The following UGGT1 variants were observed in gnomAD, a reference collection of about 807,000 sequenced individuals.
UGGT1 encodes UDP-glucose:glycoprotein glucosyltransferase 1.
UGGT1 carries 107 observed loss-of-function variants against 203.9 expected under a neutral mutation model. The ratio of observed to expected loss-of-function variants is 0.52; its 90% CI spans 0.45 to 0.62. The LOEUF (loss-of-function observed/expected upper bound fraction) is 0.62. Ranked by LOEUF, UGGT1 falls within the 20% of genes least tolerant of loss-of-function variation. UGGT1 has a pLI of 0.00. For synonymous variants in UGGT1, 628 were observed against 653.5 expected, an observed-to-expected ratio of 0.96 and a Z score of 0.59; for missense variants, 1,673 against 1,867.2, an observed-to-expected ratio of 0.90 and a Z score of 1.92.
At chr2:128,186,948 A>C in intron 39 of UGGT1, 149 bp downstream of exon 39, 1 of 593,312 alleles carries the variant, frequency 1.7e-6, no homozygotes, top group Non-Finnish European at 2.9e-6. Context: ...TGTCGGGGCT[A>C]TTCTTATCTT....
At chr2:128,106,425 C>T (rs894215385) in intron 3 of UGGT1, among the ~76,000 whole-genome samples, 1 of 152,098 alleles carries the variant, frequency 6.6e-6, no homozygotes, top group Non-Finnish European at 1.5e-5. Flanking sequence ...AAGATTGACA[C>T]CATTAACATT....
rs1692027460 is a variant in UGGT1, at chr2:128,187,265, C to T, written c.4477-184C>T. 4 of 533,592 alleles carry T rather than the reference C, an allele frequency of 7.5e-6. No individual in the cohort carries two copies. In the East Asian group the frequency reaches 1.4e-4, roughly 18 times the overall value. The allele number at this position is 533,592 out of a possible 1,614,324, so 33.1% of individuals were successfully genotyped here. A position where few individuals can be genotyped will look rare whatever the true frequency, so the allele number is the denominator to read the frequency against. ...TCCTGCCTTCCATTAGCCACTCACA[C>T]ATTCTTTGTAGATGTAAATACAGCT... On this transcript the variant is annotated intron_variant, in intron 39 of 40. Transcript: ENST00000259253.
At chr2:128,144,394 C>T (rs1689580684) in intron 17 of UGGT1, among the ~76,000 whole-genome samples, 1 of 152,184 alleles carries the variant, frequency 6.6e-6, no homozygotes, top group Non-Finnish European at 1.5e-5. Flanking sequence ...ATAGTCCAAA[C>T]ACCTCCCTGT....
At chr2:128,170,455 ACT>A in intron 27 of UGGT1, 65 bp downstream of exon 27, 1 of 1,428,812 alleles carries the variant, frequency 7.0e-7, no homozygotes, top group Non-Finnish European at 9.9e-7. Context: ...TCTGAAATTC[ACT>A]GAGAGCTTCG....
At position 128,105,050 on chromosome 2, in the gene UGGT1, A is replaced by T. The variant is rs535626801; in HGVS notation, c.277+1036A>T. On this transcript the variant is annotated intron_variant, in intron 3 of 40. Transcript: ENST00000259253. ...CTTCTTTTAAAATTATTTAATTATT[A>T]TTTTTTTAATACAACGGAGATGAGG... 5.2e-3 allele frequency among the ~76,000 whole-genome samples: 784 copies of T among 149,656 alleles called. 12 individuals carry two copies. Among genetic ancestry groups the T allele is most frequent in the African/African-American group, 0.017 (690 of 40,740 alleles).
At chr2:128,095,507 C>A (rs552399396) in intron 1 of UGGT1, among the ~76,000 whole-genome samples, 3 of 150,978 alleles carry the variant, frequency 2.0e-5, no homozygotes, top group African/African-American at 4.9e-5. Flanking sequence ...CCCCACTCTC[C>A]TCCTGTCCTG....
intron 37 of UGGT1, among the ~76,000 whole-genome samples, chr2:128,182,908 G>GC (rs1553447472): frequency 1.3e-4 from 12 of 89,082 alleles, no homozygotes; most frequent in African/African-American, 4.8e-4. Flanking sequence ...TTGTAACTTG[G>GC]CTTTTTTTTT....
At position 128,192,669 on chromosome 2, in the gene UGGT1, G is replaced by A. The variant is rs1290502897; in HGVS notation, c.*2927G>A. The A allele has an allele frequency of 6.6e-6, 1 of 152,186 alleles. No homozygotes were observed. The highest frequency in any genetic ancestry group is 2.4e-5 in the African/African-American group (1 of 41,438). The allele number at this position is 152,186 out of a possible 1,614,324, so 9.4% of individuals were successfully genotyped here. A position where few individuals can be genotyped will look rare whatever the true frequency, so the allele number is the denominator to read the frequency against. On this transcript the variant is annotated 3_prime_UTR_variant, in exon 41 of 41. Transcript: ENST00000259253. Reference sequence around the variant, plus strand: ...AAAGCCTGTCACAGCCTGCTGCTGGGGGTGTGGGGATATGCCAGAGTCCTG... The same window carrying A: ...AAAGCCTGTCACAGCCTGCTGCTGGAGGTGTGGGGATATGCCAGAGTCCTG...
chr2:128,119,490 A>C (rs1378331986), intron 8 of UGGT1, among the ~76,000 whole-genome samples: 5 of 152,158 alleles, frequency 3.3e-5, no homozygotes, highest in Admixed American at 3.3e-4. Context: ...AAAGTAATGT[A>C]CTAGCCGTCT....
chr2:128,183,939 A>T lies in UGGT1; in HGVS notation c.4359+150A>T, dbSNP rs10164864. The T allele has an allele frequency of 0.15, 16,731 of 110,914 alleles. 62 individuals carry two copies. The highest frequency in any genetic ancestry group is 0.35 in the South Asian group (2,327 of 6,688). 6.9% of individuals were successfully genotyped at this position (110,914 alleles called of 1,614,324 possible). A position where few individuals can be genotyped will look rare whatever the true frequency, so the allele number is the denominator to read the frequency against. On this transcript the variant is annotated intron_variant, in intron 38 of 40. Coordinates refer to ENST00000259253, the MANE Select transcript of UGGT1 (RefSeq NM_020120.4). ...GTGTGTGTGTGTGTGTGTGTGTGTG[A>T]GAGAGAGAGAGAGAGAGAGAGATTT...
At chr2:128,117,355 G>A (rs1688155777) in intron 8 of UGGT1, among the ~76,000 whole-genome samples, 1 of 152,200 alleles carries the variant, frequency 6.6e-6, no homozygotes, top group South Asian at 2.1e-4. Context: ...CTCCCAGAGT[G>A]CTGGGAATAC....
rs1213912714 is a variant in UGGT1, at chr2:128,091,268, A to G, written c.-90A>G. ...CGGGAAAGGCGCGTGTCGGCCTCTC[A>G]CTGGCGCAGCCTGCACTGCCGCTGC... On this transcript the variant is annotated 5_prime_UTR_variant, in exon 1 of 41. Transcript: ENST00000259253. 3.0e-6 allele frequency: 4 copies of G among 1,354,662 alleles called. No individual in the cohort carries two copies. Among genetic ancestry groups the G allele is most frequent in the Non-Finnish European group, 3.9e-6 (4 of 1,022,420 alleles). The allele number at this position is 1,354,662 out of a possible 1,614,324, so 83.9% of individuals were successfully genotyped here. A position where few individuals can be genotyped will look rare whatever the true frequency, so the allele number is the denominator to read the frequency against.
rs114406849 is a variant in UGGT1, at chr2:128,137,251, T to C, written c.1584-1466T>C. Among the ~76,000 whole-genome samples the C allele has an allele frequency of 2.2e-3, 333 of 152,256 alleles. 3 individuals are homozygous for C. Among genetic ancestry groups the C allele is most frequent in the African/African-American group, 7.4e-3 (309 of 41,568 alleles). On this transcript the variant is annotated intron_variant, in intron 15 of 40. Transcript: ENST00000259253. Reference sequence around the variant, plus strand: ...GGCAACATGAGAAGACCTCCATCTCTACAGAGAACTAAAAAAGAGTAGCCA... The same window carrying C: ...GGCAACATGAGAAGACCTCCATCTCCACAGAGAACTAAAAAAGAGTAGCCA...
chr2:128,157,118 C>T, intron 21 of UGGT1, 134 bp from the exon 22 acceptor site: 1 of 667,046 alleles, frequency 1.5e-6, no homozygotes, highest in Non-Finnish European at 2.6e-6. Context: ...TTTCTTCTAT[C>T]TTTATTAAGC....
intron 17 of UGGT1, among the ~76,000 whole-genome samples, chr2:128,143,824 AG>A (rs762862496): frequency 7.2e-5 from 11 of 152,024 alleles, no homozygotes; most frequent in Non-Finnish European, 1.6e-4. Flanking sequence ...ATGACTAATG[AG>A]ATTTTTTTTT....
intron 11 of UGGT1, among the ~76,000 whole-genome samples, chr2:128,123,624 C>T (rs1300845373): frequency 6.6e-6 from 1 of 152,170 alleles, no homozygotes; most frequent in African/African-American, 2.4e-5. Flanking sequence ...TGTGGTTTAA[C>T]TTTCTTTCAC....
intron 18 of UGGT1, among the ~76,000 whole-genome samples, chr2:128,147,010 A>G (rs891768654): frequency 6.6e-6 from 1 of 152,158 alleles, no homozygotes; most frequent in Admixed American, 6.5e-5. Flanking sequence ...AGTATAAACC[A>G]CCATGTGTGT....
At chr2:128,115,363 C>A in intron 7 of UGGT1, 143 bp downstream of exon 7, 1 of 636,396 alleles carries the variant, frequency 1.6e-6, no homozygotes, top group Non-Finnish European at 2.7e-6. Flanking sequence ...GTGGGTGACC[C>A]TTAAGCAGAT....
chr2:128,151,229 G>A (rs1558797064), intron 18 of UGGT1: 1 of 592,964 alleles, frequency 1.7e-6, no homozygotes, highest in Non-Finnish European at 3.2e-6. Context: ...TGTTTCTTCT[G>A]CTCCTCTTTT....
Sources: gnomAD v4.1 joint callset for allele counts (sites outside exome capture counted in the v4.1 genomes callset) on GRCh38, gnomAD v4.1.1 for gene constraint, MANE v1.5 for transcripts, NCBI Gene and HGNC (gene_info 2026-07-23, HGNC 2026-07-21) for gene names.